Variants in UBAC2 observed in about 807,000 individuals in gnomAD.
UBAC2 encodes the protein ubiquitin-associated domain-containing protein 2.
In UBAC2, 26 loss-of-function variants were observed where a neutral mutation model predicts 44.0. The ratio of observed to expected loss-of-function variants is 0.59; its 90% CI spans 0.43 to 0.82. The LOEUF (loss-of-function observed/expected upper bound fraction) is 0.82, where lower values mean the gene tolerates loss of function less well. Among genes scored for constraint, UBAC2 ranks in the 40% least tolerant of loss-of-function variants. The probability of loss-of-function intolerance (pLI) is 0.00; values close to 1 mark genes in which losing one functional copy is unlikely to be tolerated. For synonymous variants in UBAC2, 155 were observed against 154.3 expected, an observed-to-expected ratio of 1.00 and a Z score of -0.04; for missense variants, 329 against 419.4, an observed-to-expected ratio of 0.78 and a Z score of 1.88.
chr13:99,361,578 A>G (rs1426257049), intron 7 of UBAC2, among the ~76,000 whole-genome samples: 6 of 152,126 alleles, frequency 3.9e-5, no homozygotes, highest in South Asian at 4.2e-4. Flanking sequence ...TCTTTACTAC[A>G]TACATACTTA....
At chr13:99,323,627 A>C (rs1448229992) in intron 6 of UBAC2, among the ~76,000 whole-genome samples, 3 of 152,146 alleles carry the variant, frequency 2.0e-5, no homozygotes, top group Admixed American at 6.5e-5. Context: ...TGTACACCCC[A>C]CACACACTCA....
chr13:99,208,143 G>A (rs373146623), intron 1 of UBAC2, among the ~76,000 whole-genome samples: 14 of 152,050 alleles, frequency 9.2e-5, no homozygotes, highest in East Asian at 5.8e-4. Context: ...GATTACAGGC[G>A]TGTACCACCA....
At chr13:99,347,136 A>C (rs2044996386) in intron 7 of UBAC2, among the ~76,000 whole-genome samples, 1 of 151,872 alleles carries the variant, frequency 6.6e-6, no homozygotes. Context: ...AAAAAGATCT[A>C]CGGATACTCT....
chr13:99,328,897 A>G (rs1003204936), intron 6 of UBAC2, among the ~76,000 whole-genome samples: 9 of 152,328 alleles, frequency 5.9e-5, no homozygotes, highest in East Asian at 1.9e-4. Flanking sequence ...TGCTAATCCA[A>G]TGTCACAAAG....
At chr13:99,228,026 TG>T (rs1294147747) in intron 1 of UBAC2, among the ~76,000 whole-genome samples, 2 of 152,174 alleles carry the variant, frequency 1.3e-5, no homozygotes, top group African/African-American at 4.8e-5. Context: ...GGTGAAATCT[TG>T]TAGCTCAGAT....
chr13:99,350,142 G>A (rs9513602), intron 7 of UBAC2, among the ~76,000 whole-genome samples: 87,102 of 151,470 alleles, frequency 0.58, 26,711 homozygotes, highest in Non-Finnish European at 0.71. Flanking sequence ...AATGATTCAT[G>A]ATGTTTATAA....
chr13:99,245,829 C>T (rs1224089163), intron 4 of UBAC2, among the ~76,000 whole-genome samples: 2 of 151,700 alleles, frequency 1.3e-5, no homozygotes, highest in South Asian at 2.1e-4. Flanking sequence ...AGTGAGACTC[C>T]GCCTCAAAAA....
At chr13:99,380,957 C>T (rs752734537) in intron 8 of UBAC2, among the ~76,000 whole-genome samples, 6 of 152,220 alleles carry the variant, frequency 3.9e-5, no homozygotes, top group East Asian at 1.9e-4. Context: ...AGAGCGAGCC[C>T]GCTGCAAGCT....
intron 4 of UBAC2, among the ~76,000 whole-genome samples, chr13:99,258,967 T>C (rs1192634866): frequency 2.0e-5 from 3 of 152,220 alleles, no homozygotes. Context: ...TTATCCACTT[T>C]AGTTTGCTGT....
In UBAC2 at chr13:99,255,592, CA is replaced by C. The variant is rs771132347; in HGVS notation, c.389+10969del. 5 of 1,614,166 alleles carry C rather than the reference CA, an allele frequency of 3.1e-6. No homozygotes were observed. In the Admixed American group the frequency reaches 8.3e-5, roughly 27 times the overall value. On this transcript the variant is annotated intron_variant, in intron 4 of 8. Coordinates refer to ENST00000403766, the MANE Select transcript of UBAC2 (RefSeq NM_001144072.2). Reference sequence around the variant, plus strand: ...CACTGTGAGAGCTCCAAGAATCTGGCAGAAGTACTCTCCAAATGGCCATTCA... The same window carrying C: ...CACTGTGAGAGCTCCAAGAATCTGGCGAAGTACTCTCCAAATGGCCATTCA...
chr13:99,263,482 G>A (rs2043697421), intron 4 of UBAC2, among the ~76,000 whole-genome samples: 1 of 152,178 alleles, frequency 6.6e-6, no homozygotes. Flanking sequence ...GAATGCCTAC[G>A]ATGAAAAAGA....
chr13:99,215,146 C>T (rs914774865), intron 1 of UBAC2, among the ~76,000 whole-genome samples: 9 of 152,210 alleles, frequency 5.9e-5, no homozygotes, highest in Non-Finnish European at 1.3e-4. Flanking sequence ...AAGCCCAGTA[C>T]TTCAGAATCA....
intron 4 of UBAC2, among the ~76,000 whole-genome samples, chr13:99,299,161 T>C (rs2044220100): frequency 6.6e-6 from 1 of 152,170 alleles, no homozygotes; most frequent in Non-Finnish European, 1.5e-5. Context: ...TCTGACTGCA[T>C]CACCAAATAA....
chr13:99,287,643 CTTTTTTTTTTTTTT>C (rs11304203), intron 4 of UBAC2, among the ~76,000 whole-genome samples: 5 of 95,152 alleles, frequency 5.3e-5, no homozygotes, highest in African/African-American at 2.3e-4. Context: ...TTTTTTCTTT[CTTTTTTTTTTTTTT>C]TTTTTTTGGT....
At chr13:99,331,295 G>T (rs1223837220) in intron 6 of UBAC2, among the ~76,000 whole-genome samples, 1 of 152,198 alleles carries the variant, frequency 6.6e-6, no homozygotes, top group Non-Finnish European at 1.5e-5. Flanking sequence ...AAATATGAAG[G>T]TGAAATAAAC....
At chr13:99,384,590 C>T (rs1027703767) in intron 8 of UBAC2, among the ~76,000 whole-genome samples, 1 of 152,272 alleles carries the variant, frequency 6.6e-6, no homozygotes, top group Non-Finnish European at 1.5e-5. Context: ...CTCAGCCCCA[C>T]TTTGCTGCCT....
chr13:99,297,069 T>C (rs2044186331), intron 4 of UBAC2, among the ~76,000 whole-genome samples: 1 of 152,242 alleles, frequency 6.6e-6, no homozygotes, highest in Non-Finnish European at 1.5e-5. Context: ...TCTTCCAATG[T>C]GTCAATGCAT....
intron 4 of UBAC2, among the ~76,000 whole-genome samples, chr13:99,290,873 C>CA (rs2044081198): frequency 6.6e-6 from 1 of 152,060 alleles, no homozygotes; most frequent in Non-Finnish European, 1.5e-5. Flanking sequence ...ACAGAGAATG[C>CA]AGGTAGAGTT....
chr13:99,215,530 AGT>A, intron 1 of UBAC2: 1 of 1,471,890 alleles, frequency 6.8e-7, no homozygotes. Flanking sequence ...TTTACCTTTA[AGT>A]CTTTTGATGC....
Sources: allele counts gnomAD v4.1 joint callset (sites outside exome capture counted in the v4.1 genomes callset), GRCh38; gene constraint gnomAD v4.1.1; transcripts MANE v1.5; gene names NCBI Gene and HGNC (gene_info 2026-07-23, HGNC 2026-07-21).